Variants in ARRB2 observed in about 807,000 individuals in gnomAD.
ARRB2 encodes arrestin beta 2, also known as beta-arrestin-2.
A neutral mutation model predicts 53.4 loss-of-function variants in ARRB2; 21 were observed. That is an observed-to-expected ratio of 0.39 (90% CI 0.28 to 0.57). The LOEUF (loss-of-function observed/expected upper bound fraction) is 0.57. Among genes scored for constraint, ARRB2 ranks in the 20% least tolerant of loss-of-function variants. The probability of loss-of-function intolerance (pLI) is 0.55; values close to 1 mark genes in which losing one functional copy is unlikely to be tolerated. For missense variants in ARRB2, 369 were observed against 527.5 expected, an observed-to-expected ratio of 0.70 and a Z score of 2.94; for synonymous variants, 180 against 212.9, an observed-to-expected ratio of 0.85 and a Z score of 1.34.
chr17:4,711,502 C>T (rs191985589), intron 1 of ARRB2, among the ~76,000 whole-genome samples: 7 of 152,064 alleles, frequency 4.6e-5, no homozygotes, highest in African/African-American at 1.7e-4. Context: ...CGCAGGGGAG[C>T]GGGAGCAAAA....
rs748440494 is a variant in ARRB2, at chr17:4,720,592, C to T, written c.1088C>T (p.Pro363Leu). 2.3e-5 allele frequency: 37 copies of T among 1,590,974 alleles called. No homozygotes were observed. Among genetic ancestry groups the T allele is most frequent in the Admixed American group, 9.2e-5 (5 of 54,248 alleles). Residue 363 changes from proline to leucine, a missense_variant, in exon 14 of 15, where the codon CCG becomes CTG. By Grantham distance (98) the Pro-to-Leu change is moderately conservative. Transcript: ENST00000269260. ...CCTCTTCCCGTCCCCCCAGCCGCTC[C>T]GGAGACAGATGTCCCTGTGGACACC... ...IPLPRPQSAA[P>L]ETDVPVDTNL...
rs1915143294 is a variant in ARRB2, at chr17:4,717,036, G to A, written c.358-181G>A. 1.5e-5 allele frequency: 10 copies of A among 679,354 alleles called. No homozygotes were observed. The highest frequency in any genetic ancestry group is 1.0e-4 in the Admixed American group (4 of 39,294). 42.1% of individuals were successfully genotyped at this position (679,354 alleles called of 1,614,324 possible). ...TTTAGTAGTGATGGGGTTTTGCCAC[G>A]TTGGTCAGGCTGGTCTGGAACCCCT... On this transcript the variant is annotated intron_variant, in intron 5 of 14. Coordinates refer to ENST00000269260, the MANE Select transcript of ARRB2 (RefSeq NM_004313.4). The surrounding 1 kb of genome is among the most constrained non-coding windows in gnomAD (Gnocchi z 6.0).
At position 4,718,713 on chromosome 17, in the gene ARRB2, A is replaced by G. The variant is rs767406643; in HGVS notation, c.779+29A>G. On this transcript the variant is annotated intron_variant, in intron 10 of 14. Transcript: ENST00000269260. ...AGTATCGGGAGAGACCCATGTTCCA[A>G]TCTAGGGGAGAAGAGCAGGATCAGG... 1.3e-5 allele frequency: 20 copies of G among 1,599,492 alleles called. No individual in the cohort carries two copies. In the Admixed American group the frequency reaches 2.7e-4, roughly 22 times the overall value.
intron 2 of ARRB2, chr17:4,715,477 A>G (rs916241546): frequency 8.9e-5 from 11 of 124,074 alleles, no homozygotes; most frequent in African/African-American, 5.6e-4. Flanking sequence ...CCAAACACAC[A>G]CACACACAGA....
chr17:4,715,239 G>C (rs1393893946), intron 2 of ARRB2, 196 bp downstream of exon 2: 2 of 641,568 alleles, frequency 3.1e-6, no homozygotes, highest in Admixed American at 6.5e-5. Context: ...GCCAGCCACA[G>C]GGCTGGGTGG....
In ARRB2 at chr17:4,719,470, G is replaced by A. The variant is rs747676996; in HGVS notation, c.917+50G>A. 7.5e-5 allele frequency: 120 copies of A among 1,600,074 alleles called. 1 individual carries two copies. Among genetic ancestry groups the A allele is most frequent in the East Asian group, 8.9e-5 (4 of 44,838 alleles). On this transcript the variant is annotated intron_variant, in intron 11 of 14. Transcript: ENST00000269260. ...CCCTGCAGGCCAGGGGCCAGACGTC[G>A]GTTCAGTGCTCTATCCTAGTGTGCC...
chr17:4,711,192 C>T (rs1469935597), intron 1 of ARRB2, among the ~76,000 whole-genome samples: 1 of 152,066 alleles, frequency 6.6e-6, no homozygotes, highest in African/African-American at 2.4e-5. Flanking sequence ...ACACCTGTCC[C>T]GAGGGCCGGG....
intron 11 of ARRB2, 134 bp downstream of exon 11, chr17:4,719,554 G>A (rs774568697): frequency 8.2e-4 from 1,068 of 1,308,340 alleles, no homozygotes; most frequent in Non-Finnish European, 1.0e-3. Flanking sequence ...GGGGAGGGAG[G>A]ATAGCCAAAT....
At chr17:4,714,063 A>G (rs563517366) in intron 1 of ARRB2, among the ~76,000 whole-genome samples, 51 of 149,148 alleles carry the variant, frequency 3.4e-4, no homozygotes, top group South Asian at 4.4e-4. Context: ...TACCATCTTC[A>G]TGATATGGCT....
rs889643977 is a variant in ARRB2, at chr17:4,720,366, C to T, written c.1002-27C>T. 6.2e-6 allele frequency: 10 copies of T among 1,613,724 alleles called. No homozygotes were observed. In the African/African-American group the frequency reaches 1.2e-4, roughly 19 times the overall value. ...CTCTCTAGTCCCATGTCGTCGTCCT[C>T]TTCACGATGCCTCTCCCCTTCCCCA... On this transcript the variant is annotated intron_variant, in intron 12 of 14. Coordinates refer to ENST00000269260, the MANE Select transcript of ARRB2 (RefSeq NM_004313.4).
Position 4,716,532 on chromosome 17 carries a change from C to G in ARRB2, c.281C>G (p.Pro94Arg), listed in dbSNP as rs1290545835. ...CAGGCCTTCCCCCCGGTGCCCAACC[C>G]ACCCCGGCCCCCCACCCGCCTGCAG... is the stretch of plus-strand genomic sequence containing the variant. ...TYQAFPPVPNPPRPPTRLQDR... is the reference protein window; with the variant it reads ...TYQAFPPVPNRPRPPTRLQDR... The change falls in exon 5 of 15, where the codon CCA becomes CGA. Residue 94 changes from proline (P) to arginine (R), a missense_variant. Transcript: ENST00000269260. 7 of 1,607,526 alleles carry G rather than the reference C, an allele frequency of 4.4e-6. No homozygotes were observed. Among genetic ancestry groups the G allele is most frequent in the Non-Finnish European group, 5.1e-6 (6 of 1,177,372 alleles).
chr17:4,718,387 T>C, intron 9 of ARRB2, 42 bp downstream of exon 9: 1 of 1,573,640 alleles, frequency 6.4e-7, no homozygotes, highest in Non-Finnish European at 8.7e-7. Context: ...GGGAGGGCGT[T>C]ACTGCACAGG....
intron 5 of ARRB2, chr17:4,716,838 T>C: frequency 1.3e-6 from 1 of 775,118 alleles, no homozygotes; most frequent in Non-Finnish European, 2.0e-6. Flanking sequence ...CTCCAGCCTC[T>C]TTTTTGTTGT....
chr17:4,720,782 T>A, intron 14 of ARRB2, 142 bp downstream of exon 14: 1 of 1,017,764 alleles, frequency 9.8e-7, no homozygotes, highest in Non-Finnish European at 1.4e-6. Context: ...CTTGTGAGGC[T>A]GCCTCTTGCT....
chr17:4,715,554 AACAC>A (rs746309796), intron 2 of ARRB2: 5 of 232,664 alleles, frequency 2.1e-5, no homozygotes, highest in Middle Eastern at 1.6e-3. Flanking sequence ...TGAGGATGCA[AACAC>A]ACACACACGG....
chr17:4,716,850 G>C (rs1264304720), intron 5 of ARRB2: 2 of 743,212 alleles, frequency 2.7e-6, no homozygotes, highest in Non-Finnish European at 4.2e-6. Context: ...TTTTGTTGTT[G>C]TTGAGACAAA....
At chr17:4,719,777 A>T (rs1915507872) in intron 11 of ARRB2, among the ~76,000 whole-genome samples, 3 of 151,996 alleles carry the variant, frequency 2.0e-5, no homozygotes, top group African/African-American at 7.2e-5. Flanking sequence ...TGTTGGAGGA[A>T]TGGGGAGGTG....
chr17:4,720,068 C>A, intron 11 of ARRB2, 148 bp from the exon 12 acceptor site: 1 of 757,094 alleles, frequency 1.3e-6, no homozygotes, highest in South Asian at 1.7e-5. Context: ...GCAGTGCGCA[C>A]TGTACCATAA....
chr17:4,715,104 C>G (rs1914809803), intron 2 of ARRB2, 61 bp downstream of exon 2: 2 of 1,562,074 alleles, frequency 1.3e-6, no homozygotes, highest in African/African-American at 2.7e-5. Flanking sequence ...GCCCAGCCTT[C>G]CCCTAGACGA....
Sources: allele counts gnomAD v4.1 joint callset (sites outside exome capture counted in the v4.1 genomes callset), GRCh38; gene constraint gnomAD v4.1.1; non-coding constraint Gnocchi (gnomAD v3.1); transcripts MANE v1.5; gene names NCBI Gene and HGNC (gene_info 2026-07-23, HGNC 2026-07-21).